Variants in TRIM44 observed in about 807,000 individuals in gnomAD.
TRIM44 encodes the protein tripartite motif-containing protein 44.
A neutral mutation model predicts 37.4 loss-of-function variants in TRIM44; 13 were observed. The ratio of observed to expected loss-of-function variants is 0.35; its 90% CI spans 0.23 to 0.55. TRIM44 has a LOEUF of 0.55. Ranked by LOEUF, TRIM44 falls within the 20% of genes least tolerant of loss-of-function variation. The pLI is 0.89. For missense variants in TRIM44, 426 were observed against 437.2 expected (o/e 0.97, Z 0.23); for synonymous variants, 175 against 157.2 (o/e 1.11, Z -0.85).
At chr11:35,676,764 C>T (rs1385193526) in intron 1 of TRIM44, among the ~76,000 whole-genome samples, 1 of 152,136 alleles carries the variant, frequency 6.6e-6, no homozygotes, top group African/African-American at 2.4e-5. Context: ...TGTGTGAACC[C>T]TGGCAGGCTC....
At chr11:35,758,222 A>C (rs549269298) in intron 4 of TRIM44, among the ~76,000 whole-genome samples, 30 of 152,154 alleles carry the variant, frequency 2.0e-4, no homozygotes, top group African/African-American at 5.3e-4. Context: ...GTTAGCTCTT[A>C]TTGTTGAATT....
chr11:35,718,751 G>A (rs989580317), intron 2 of TRIM44, among the ~76,000 whole-genome samples: 1 of 152,040 alleles, frequency 6.6e-6, no homozygotes, highest in African/African-American at 2.4e-5. Flanking sequence ...TCTGGCAACT[G>A]ATCTTTTTAC....
intron 2 of TRIM44, among the ~76,000 whole-genome samples, chr11:35,704,225 G>A (rs1057459426): frequency 2.0e-5 from 3 of 152,090 alleles, no homozygotes; most frequent in Admixed American, 6.6e-5. Flanking sequence ...GAATAAAAAG[G>A]AACGAACAAA....
Position 35,663,689 on chromosome 11 carries a change from A to G in TRIM44, c.578A>G (p.Asp193Gly). The stretch of plus-strand genomic sequence containing the variant: ...GATTTGAGTACCTATTGCCAGGAAG[A>G]TAGGCAGCTCATCTGTGTCCTGTGT... ...GLDLSTYCQEDRQLICVLCPV... is the reference protein window; with the variant it reads ...GLDLSTYCQEGRQLICVLCPV... Residue 193 changes from aspartate (D) to glycine (G), a missense_variant, in exon 1 of 5, where the codon GAT becomes GGT. By Grantham distance (94) the Asp-to-Gly change is moderately conservative. Around this residue, in one of 2 missense-constraint regions of TRIM44, gnomAD observed 331 missense variants for 303.0 expected, o/e 1.09. Coordinates refer to ENST00000299413, the MANE Select transcript of TRIM44 (RefSeq NM_017583.6). The G allele has an allele frequency of 6.2e-7, 1 of 1,614,164 alleles. No individual in the cohort carries two copies. Among genetic ancestry groups the G allele is most frequent in the South Asian group, 1.1e-5 (1 of 91,076 alleles).
chr11:35,800,752 C>A (rs1169163371), intron 4 of TRIM44, among the ~76,000 whole-genome samples: 1 of 152,164 alleles, frequency 6.6e-6, no homozygotes, highest in Non-Finnish European at 1.5e-5. Flanking sequence ...CAAAGAGAGA[C>A]AGCTGTATGA....
At chr11:35,798,931 T>A (rs900664605) in intron 4 of TRIM44, among the ~76,000 whole-genome samples, 1 of 152,156 alleles carries the variant, frequency 6.6e-6, no homozygotes, top group Non-Finnish European at 1.5e-5. Flanking sequence ...ATAATGGAAT[T>A]TTTTTTCTTT....
chr11:35,670,906 C>T (rs1049529116), intron 1 of TRIM44, among the ~76,000 whole-genome samples: 1 of 152,104 alleles, frequency 6.6e-6, no homozygotes, highest in African/African-American at 2.4e-5. Flanking sequence ...CATTTTGATT[C>T]GATAAAGATA....
intron 4 of TRIM44, among the ~76,000 whole-genome samples, chr11:35,793,504 G>A (rs975249735): frequency 2.6e-5 from 4 of 152,104 alleles, no homozygotes; most frequent in African/African-American, 4.8e-5. Flanking sequence ...CAGCCTGTGC[G>A]ACAGAGTGAG....
intron 2 of TRIM44, among the ~76,000 whole-genome samples, chr11:35,721,301 G>A (rs1852103563): frequency 6.6e-6 from 1 of 152,152 alleles, no homozygotes; most frequent in Admixed American, 6.5e-5. Flanking sequence ...TTTAAAAAGT[G>A]TTACATGTTA....
chr11:35,684,441 T>C (rs1388719859), intron 1 of TRIM44, among the ~76,000 whole-genome samples: 1 of 152,238 alleles, frequency 6.6e-6, no homozygotes, highest in East Asian at 1.9e-4. Context: ...TAAATCATTA[T>C]ACTGTAATAA....
At chr11:35,725,462 T>C (rs779785147) in intron 2 of TRIM44, among the ~76,000 whole-genome samples, 2 of 152,080 alleles carry the variant, frequency 1.3e-5, no homozygotes, top group Non-Finnish European at 2.9e-5. Flanking sequence ...GCCTCCCAAG[T>C]AGCTGGGATT....
intron 4 of TRIM44, among the ~76,000 whole-genome samples, chr11:35,793,737 C>T (rs1222925947): frequency 1.3e-5 from 2 of 152,154 alleles, no homozygotes; most frequent in African/African-American, 4.8e-5. Context: ...CAAGCCCCCT[C>T]ATGTGCTCCC....
chr11:35,799,724 TA>T (rs1853340919), intron 4 of TRIM44, among the ~76,000 whole-genome samples: 1 of 152,188 alleles, frequency 6.6e-6, no homozygotes, highest in South Asian at 2.1e-4. Flanking sequence ...AGAATGGAGA[TA>T]ATACCAGAAG....
chr11:35,691,179 A>T (rs1466802998), intron 2 of TRIM44, among the ~76,000 whole-genome samples: 1 of 152,218 alleles, frequency 6.6e-6, no homozygotes, highest in Non-Finnish European at 1.5e-5. Flanking sequence ...AACTGAGGCA[A>T]GTGCTTCCAC....
In TRIM44 at chr11:35,663,039, G is replaced by A; in HGVS notation, c.-73G>A. 2 of 1,444,608 alleles carry A rather than the reference G, an allele frequency of 1.4e-6. No individual in the cohort carries two copies. The highest frequency in any genetic ancestry group is 1.8e-6 in the Non-Finnish European group (2 of 1,105,182). The allele number at this position is 1,444,608 out of a possible 1,614,324, so 89.5% of individuals were successfully genotyped here. ...TAGGAAGGGACCCGGGGCGGGAGGA[G>A]GAAGTGAGGCCGCGCGGAAGGAAGG... On this transcript the variant is annotated 5_prime_UTR_variant, in exon 1 of 5. Coordinates refer to ENST00000299413, the MANE Select transcript of TRIM44 (RefSeq NM_017583.6).
chr11:35,666,349 A>G (rs1400391255), intron 1 of TRIM44, among the ~76,000 whole-genome samples: 2 of 152,160 alleles, frequency 1.3e-5, no homozygotes, highest in Non-Finnish European at 2.9e-5. Context: ...ATCTTGTCCT[A>G]CAAGAGTGTG....
chr11:35,694,455 T>G (rs918010462), intron 2 of TRIM44, among the ~76,000 whole-genome samples: 20 of 152,164 alleles, frequency 1.3e-4, no homozygotes, highest in Non-Finnish European at 2.8e-4. Context: ...ATCTTTTACC[T>G]TATAAAGTAT....
chr11:35,713,080 T>A (rs550172659), intron 2 of TRIM44, among the ~76,000 whole-genome samples: 1 of 152,236 alleles, frequency 6.6e-6, no homozygotes, highest in Non-Finnish European at 1.5e-5. Context: ...TATATAAATA[T>A]AAAATTTGAG....
intron 2 of TRIM44, among the ~76,000 whole-genome samples, chr11:35,700,819 A>C (rs1302567199): frequency 6.6e-6 from 1 of 152,216 alleles, no homozygotes; most frequent in Non-Finnish European, 1.5e-5. Flanking sequence ...GAATTTTTAA[A>C]AGCAGTTTTA....
Sources: gnomAD v4.1 joint callset for allele counts (sites outside exome capture counted in the v4.1 genomes callset) on GRCh38, gnomAD v4.1.1 for gene constraint, gnomAD v4.1.1 regional missense constraint, MANE v1.5 for transcripts, NCBI Gene and HGNC (gene_info 2026-07-23, HGNC 2026-07-21) for gene names.